Variants in CTNNA2 observed in about 807,000 individuals in gnomAD.
CTNNA2 encodes the protein catenin alpha-2.
Under a neutral mutation model 101.0 loss-of-function variants are expected in CTNNA2, and 42 were observed. The ratio of observed to expected loss-of-function variants is 0.42; its 90% confidence interval spans 0.32 to 0.54. The LOEUF (loss-of-function observed/expected upper bound fraction) is 0.54. CTNNA2 is among the 20% of genes least tolerant of loss of function. The probability of loss-of-function intolerance (pLI) is 0.14; values close to 1 mark genes in which losing one functional copy is unlikely to be tolerated. For missense variants in CTNNA2, 871 were observed against 1,223.1 expected (o/e 0.71, Z 4.29); for synonymous variants, 450 against 456.4 (o/e 0.99, Z 0.18).
chr2:79,885,860 A>G (rs1683818835), intron 6 of CTNNA2, among the ~76,000 whole-genome samples: 1 of 152,212 alleles, frequency 6.6e-6, no homozygotes, highest in Non-Finnish European at 1.5e-5. Context: ...GGATTCAGGT[A>G]TTGGCTACTA....
intron 2 of CTNNA2, among the ~76,000 whole-genome samples, chr2:79,271,544 GGA>G (rs1420234131): frequency 6.6e-6 from 1 of 152,036 alleles, no homozygotes; most frequent in Non-Finnish European, 1.5e-5. Flanking sequence ...ATGTGTGCAT[GGA>G]GAGGCAGGCA....
intron 4 of CTNNA2, among the ~76,000 whole-genome samples, chr2:79,446,602 T>G (rs1678836013): frequency 6.6e-6 from 1 of 152,046 alleles, no homozygotes; most frequent in Admixed American, 6.6e-5. Context: ...CTGTTCCTTT[T>G]GATGGTGGAG....
intron 1 of CTNNA2, among the ~76,000 whole-genome samples, chr2:79,526,454 C>CT (rs34508983): frequency 2.4e-4 from 36 of 147,460 alleles, no homozygotes; most frequent in East Asian, 1.2e-3. Flanking sequence ...TCCTAGCTTC[C>CT]TTTTTTTTTT....
At chr2:79,844,104 C>A (rs950375573) in intron 3 of CTNNA2, among the ~76,000 whole-genome samples, 1 of 152,092 alleles carries the variant, frequency 6.6e-6, no homozygotes, top group African/African-American at 2.4e-5. Flanking sequence ...ATTTTCAAGT[C>A]ATTTATAATG....
At chr2:79,647,489 A>C (rs1680904070) in intron 1 of CTNNA2, among the ~76,000 whole-genome samples, 1 of 152,188 alleles carries the variant, frequency 6.6e-6, no homozygotes, top group African/African-American at 2.4e-5. Flanking sequence ...TCACAGAGCT[A>C]ATAAATTGCA....
chr2:79,218,925 C>A (rs551668896), intron 2 of CTNNA2, among the ~76,000 whole-genome samples: 1 of 152,006 alleles, frequency 6.6e-6, no homozygotes, highest in Non-Finnish European at 1.5e-5. Flanking sequence ...AAGGAAAGTT[C>A]TAAAAGGAAA....
intron 7 of CTNNA2, among the ~76,000 whole-genome samples, chr2:80,109,195 T>A (rs1187010651): frequency 1.3e-5 from 2 of 152,218 alleles, no homozygotes; most frequent in African/African-American, 4.8e-5. Flanking sequence ...GCATGGTGGC[T>A]CACGCCTGTA....
Position 80,300,281 on chromosome 2 carries a change from G to GT in CTNNA2, c.1057-92930_1057-92929insT, listed in dbSNP as rs1676144755. On this transcript the variant is annotated intron_variant, in intron 7 of 18. Coordinates refer to ENST00000402739, the MANE Select transcript of CTNNA2 (RefSeq NM_001282597.3). ...CAGGAAAAATGAGCTGGGGTGTTGG[G>GT]GTGTGTGTGTGTGTGTGTGTGTGTG... 5.0e-3 allele frequency among the ~76,000 whole-genome samples: 469 copies of GT among 93,162 alleles called. 4 individuals are homozygous for GT. Among genetic ancestry groups the GT allele is most frequent in the Middle Eastern group, 6.9e-3 (1 of 144 alleles). The allele number at this position is 93,162 out of a possible 152,430, so 61.1% of individuals were successfully genotyped here.
At chr2:79,619,266 A>G (rs1396502428) in intron 1 of CTNNA2, among the ~76,000 whole-genome samples, 2 of 152,196 alleles carry the variant, frequency 1.3e-5, no homozygotes, top group South Asian at 2.1e-4. Flanking sequence ...AGCATATTCT[A>G]TCCTTATGTG....
intron 7 of CTNNA2, among the ~76,000 whole-genome samples, chr2:80,384,255 G>T (rs6744093): frequency 0.049 from 7,437 of 151,996 alleles, 451 homozygotes; most frequent in African/African-American, 0.15. Context: ...TTCTTCTGTA[G>T]GTGAACTTAT....
intron 18 of CTNNA2, among the ~76,000 whole-genome samples, chr2:80,633,946 T>C (rs556007845): frequency 1.9e-4 from 29 of 152,272 alleles, no homozygotes; most frequent in African/African-American, 6.3e-4. Context: ...AAGTTTACTT[T>C]CTCTTTTATT....
chr2:79,384,117 C>G (rs1455126769), intron 4 of CTNNA2, among the ~76,000 whole-genome samples: 2 of 152,138 alleles, frequency 1.3e-5, no homozygotes, highest in African/African-American at 4.8e-5. Flanking sequence ...GCTTCCCAAC[C>G]TCCCCAGGAT....
chr2:80,093,579 C>T (rs1315469782), intron 7 of CTNNA2, among the ~76,000 whole-genome samples: 1 of 152,192 alleles, frequency 6.6e-6, no homozygotes, highest in Non-Finnish European at 1.5e-5. Flanking sequence ...GGAATCACCA[C>T]ACTGACTTCC....
intron 12 of CTNNA2, among the ~76,000 whole-genome samples, chr2:80,558,693 T>C (rs1258206760): frequency 2.0e-5 from 3 of 152,060 alleles, no homozygotes; most frequent in Non-Finnish European, 4.4e-5. Flanking sequence ...CTATCAAATT[T>C]TGTCATGAGA....
intron 4 of CTNNA2, among the ~76,000 whole-genome samples, chr2:79,863,068 G>A (rs536480942): frequency 1.2e-4 from 18 of 152,158 alleles, no homozygotes; most frequent in African/African-American, 2.9e-4. Flanking sequence ...CTTGCCAACC[G>A]TTTTGAAGGT....
chr2:80,507,826 T>C (rs1053368473), intron 9 of CTNNA2, among the ~76,000 whole-genome samples: 2 of 152,158 alleles, frequency 1.3e-5, no homozygotes, highest in Non-Finnish European at 2.9e-5. Flanking sequence ...CTAAGGGTTA[T>C]GAAGATGGAA....
intron 2 of CTNNA2, among the ~76,000 whole-genome samples, chr2:79,211,450 T>C (rs1674171850): frequency 6.6e-6 from 1 of 151,836 alleles, no homozygotes; most frequent in East Asian, 1.9e-4. Flanking sequence ...AGAGAGTCAG[T>C]GAAGGGAGAT....
chr2:80,349,234 C>A (rs528783800), intron 7 of CTNNA2, among the ~76,000 whole-genome samples: 1 of 152,176 alleles, frequency 6.6e-6, no homozygotes, highest in Middle Eastern at 3.4e-3. Flanking sequence ...CTTGTGAATT[C>A]TTTTCTGAGA....
chr2:80,432,786 A>T (rs1574027842), intron 9 of CTNNA2, among the ~76,000 whole-genome samples: 1 of 151,894 alleles, frequency 6.6e-6, no homozygotes, highest in East Asian at 1.9e-4. Context: ...ACCCACACAC[A>T]TTTTCTTATT....
Sources: allele counts gnomAD v4.1 joint callset (sites outside exome capture counted in the v4.1 genomes callset), GRCh38; gene constraint gnomAD v4.1.1; transcripts MANE v1.5; gene names NCBI Gene and HGNC (gene_info 2026-07-23, HGNC 2026-07-21).